TSC2: variants seen among roughly 807,000 people sequenced by gnomAD.
TSC2 encodes the protein TSC complex subunit 2.
Under a neutral mutation model 202.2 loss-of-function variants are expected in TSC2, and 29 were observed. The ratio of observed to expected loss-of-function variants is 0.14; its 90% confidence interval spans 0.11 to 0.20. TSC2 has a LOEUF of 0.20. Ranked by LOEUF, TSC2 falls within the 10% of genes least tolerant of loss-of-function variation. TSC2 has a pLI of 1.00. For missense variants in TSC2, 2,429 were observed against 2,420.0 expected (o/e 1.00, Z -0.08); for synonymous variants, 1,349 against 1,044.0 (o/e 1.29, Z -5.63).
At chr16:2,058,673 C>T (rs1489443222) in intron 9 of TSC2, 74 bp from the exon 10 acceptor site, 1 of 1,543,502 alleles carries the variant, frequency 6.5e-7, no homozygotes. Context: ...GGAGCCTCGG[C>T]AACCTCACAC....
intron 5 of TSC2, 126 bp downstream of exon 5, chr16:2,054,566 C>G (rs2085534482): frequency 1.4e-6 from 2 of 1,394,094 alleles, no homozygotes; most frequent in African/African-American, 2.8e-5. Context: ...TATGCCCACC[C>G]TGCTTCATGC....
At chr16:2,088,371 G>GC (rs1567132932) in intron 41 of TSC2, 46 bp downstream of exon 41, 7 of 1,612,214 alleles carry the variant, frequency 4.3e-6, no homozygotes, top group Non-Finnish European at 5.9e-6. Flanking sequence ...GGCTGCCCAA[G>GC]CTGTGGGGCG....
rs867238767 is a variant in TSC2 at position 2,079,662 on chromosome 16, C to T, written c.3390C>T (p.Ser1130=). Residue 1130 remains serine (S), a synonymous_variant, in exon 29 of 42, where the codon TCC becomes TCT. Transcript: ENST00000219476. The surrounding 1 kb of genome is among the most constrained non-coding windows in gnomAD (Gnocchi z 4.6). ...VSRGARDRVR[S]MSGGHGLRVG... The stretch of plus-strand genomic sequence containing the variant: ...GTGGGGCCCGGGATCGGGTCCGTTC[C>T]ATGTCGGGTGAGCCTTGGCCCCAGC... 3.1e-6 allele frequency: 5 copies of T among 1,592,330 alleles called. No individual in the cohort carries two copies. Among genetic ancestry groups the T allele is most frequent in the African/African-American group, 1.3e-5 (1 of 74,632 alleles).
intron 25 of TSC2, among the ~76,000 whole-genome samples, chr16:2,076,840 T>C (rs1412943610): frequency 6.6e-6 from 1 of 152,188 alleles, no homozygotes; most frequent in African/African-American, 2.4e-5. Flanking sequence ...GTGCAAGCTT[T>C]AGGCGCCTGA....
At chr16:2,050,333 G>C (rs769968336) in intron 2 of TSC2, 67 bp from the exon 3 acceptor site, 1 of 1,434,596 alleles carries the variant, frequency 7.0e-7, no homozygotes, top group Non-Finnish European at 9.8e-7. Flanking sequence ...TAGGTGGTTT[G>C]TGACTTGCAG....
Position 2,086,760 on chromosome 16 carries a change from C to T in TSC2, c.4878C>T (p.Pro1626=), listed in dbSNP as rs2151585045. The change falls in exon 38 of 42, where the codon CCC becomes CCT. Residue 1626 remains proline (P), a synonymous_variant. Transcript: ENST00000219476. ...QAVFHIATLM[P]TKDVDKHRCD... is the part of the protein sequence containing the mutation. ...TCTTCCACATCGCCACCCTGATGCC[C>T]ACCAAGGACGTGGACAAGCACCGCT... The T allele has an allele frequency of 1.2e-6, 2 of 1,611,150 alleles. No homozygotes were observed. Among genetic ancestry groups the T allele is most frequent in the Non-Finnish European group, 1.7e-6 (2 of 1,179,962 alleles).
At chr16:2,068,067 C>T (rs909201957) in intron 16 of TSC2, among the ~76,000 whole-genome samples, 3 of 152,114 alleles carry the variant, frequency 2.0e-5, no homozygotes, top group Non-Finnish European at 2.9e-5. Context: ...GATAGAGTCT[C>T]ACCACTATGT....
Position 2,088,851 on chromosome 16 carries a change from G to A in TSC2, c.*241G>A, listed in dbSNP as rs978764456. 2.4e-5 allele frequency: 14 copies of A among 579,908 alleles called. No homozygotes were observed. The highest frequency in any genetic ancestry group is 4.3e-5 in the Non-Finnish European group (14 of 326,824). 35.9% of individuals were successfully genotyped at this position (579,908 alleles called of 1,614,324 possible). A position where few individuals can be genotyped will look rare whatever the true frequency, so the allele number is the denominator to read the frequency against. The stretch of plus-strand genomic sequence containing the variant: ...CTCCGAGGGCCTTGAGGCTGCCTGG[G>A]CCATACAGCACACTCGCGCGTGCGC... On this transcript the variant is annotated 3_prime_UTR_variant, in exon 42 of 42. Coordinates refer to ENST00000219476, the MANE Select transcript of TSC2 (RefSeq NM_000548.5).
At chr16:2,084,079 G>A (rs1050051715) in intron 33 of TSC2, 149 bp from the exon 34 acceptor site, 35 of 1,435,780 alleles carry the variant, frequency 2.4e-5, no homozygotes, top group African/African-American at 2.8e-5. Flanking sequence ...GTGCTGCTGC[G>A]TCAACGGGCG....
intron 36 of TSC2, among the ~76,000 whole-genome samples, chr16:2,085,525 C>T (rs1295599165): frequency 3.9e-5 from 6 of 152,198 alleles, no homozygotes; most frequent in Admixed American, 3.9e-4. Context: ...AGCGTGGGAG[C>T]ACCCGGCACA....
intron 22 of TSC2, 42 bp from the exon 23 acceptor site, chr16:2,075,757 A>C (rs2151378824): frequency 1.2e-6 from 2 of 1,604,036 alleles, no homozygotes; most frequent in Non-Finnish European, 1.7e-6. Context: ...GAGGCGCTGC[A>C]CGGGACCCCG....
rs767670580 is a variant in TSC2, at chr16:2,062,005, G to T, written c.1254G>T (p.Arg418Ser). The change falls in exon 12 of 42, where the codon AGG becomes AGT. Residue 418 changes from arginine (R) to serine (S), a missense_variant. Physicochemically the swap from Arg to Ser is moderately radical, Grantham distance 110. Coordinates refer to ENST00000219476, the MANE Select transcript of TSC2 (RefSeq NM_000548.5). ...FELVERCADQ[R>S]PESSLLNLIS... ...TGGTGGAGAGATGTGCGGACCAGAGGCCTGTGAGACCCCCTCCTGGGTGGG... is the reference window on the plus strand; with the variant it reads ...TGGTGGAGAGATGTGCGGACCAGAGTCCTGTGAGACCCCCTCCTGGGTGGG... The T allele has an allele frequency of 6.2e-7, 1 of 1,614,112 alleles. No individual in the cohort carries two copies.
chr16:2,087,975 G>C (rs1233833894), intron 39 of TSC2, 34 bp downstream of exon 39: 2 of 1,608,444 alleles, frequency 1.2e-6, no homozygotes, highest in Admixed American at 1.7e-5. Context: ...GTGCAGGAAA[G>C]GTAGGGCCGG....
intron 12 of TSC2, 69 bp downstream of exon 12, chr16:2,062,077 T>C (rs1305856238): frequency 3.7e-6 from 6 of 1,602,318 alleles, no homozygotes; most frequent in Non-Finnish European, 8.5e-7. Context: ...CTGGGTGAAG[T>C]GCAGCTTTCT....
At chr16:2,055,842 G>GA (rs2085732975) in intron 6 of TSC2, 1 of 438,616 alleles carries the variant, frequency 2.3e-6, no homozygotes, top group Non-Finnish European at 4.2e-6. Flanking sequence ...AGTGAGCGGA[G>GA]ATCGTGCCAC....
intron 23 of TSC2, 82 bp downstream of exon 23, chr16:2,075,974 C>T (rs2089291761): frequency 1.9e-6 from 3 of 1,611,602 alleles, no homozygotes; most frequent in Non-Finnish European, 2.5e-6. Context: ...CAGCCTTTGT[C>T]CCCAAGGCCT....
At chr16:2,048,280 G>A (rs1335313467) in intron 1 of TSC2, 2 of 1,184,710 alleles carry the variant, frequency 1.7e-6, no homozygotes, top group Non-Finnish European at 2.5e-6. Context: ...ATGGGTAGAG[G>A]AGAGACGGCA....
rs1004111592 is a variant in TSC2, at chr16:2,080,489, T to C, written c.3610+112T>C. On this transcript the variant is annotated intron_variant, in intron 30 of 41. Transcript: ENST00000219476. ...CTCTTGGGATATTTGGGGGTAACTT[T>C]TGTTTTTTTTTTGAGACAGAGTCTT... The C allele has an allele frequency of 9.8e-6, 13 of 1,324,146 alleles. No individual in the cohort carries two copies. The Admixed American group carries it at 1.4e-4, about 14-fold the overall frequency. 82.0% of individuals were successfully genotyped at this position (1,324,146 alleles called of 1,614,324 possible).
intron 14 of TSC2, chr16:2,064,046 T>G: frequency 1.5e-6 from 1 of 660,720 alleles, no homozygotes; most frequent in Non-Finnish European, 2.7e-6. Context: ...CCGGCCGCCC[T>G]GCGGTGCTCA....
Sources: gnomAD v4.1 joint callset for allele counts (sites outside exome capture counted in the v4.1 genomes callset) on GRCh38, gnomAD v4.1.1 for gene constraint, Gnocchi (gnomAD v3.1) non-coding constraint, MANE v1.5 for transcripts, NCBI Gene and HGNC (gene_info 2026-07-23, HGNC 2026-07-21) for gene names.